Variants in CLASRP observed in about 807,000 individuals in gnomAD.
CLASRP encodes the protein CLK4-associating serine/arginine rich protein.
In CLASRP, 52 loss-of-function variants were observed where a neutral mutation model predicts 99.9. The observed-to-expected ratio is 0.52, with a 90% CI of 0.42 to 0.66. The LOEUF (loss-of-function observed/expected upper bound fraction) is 0.66, where lower values mean the gene tolerates loss of function less well. Among genes scored for constraint, CLASRP ranks in the 30% least tolerant of loss-of-function variants. The pLI is 0.00. For synonymous variants in CLASRP, 379 were observed against 373.0 expected, an observed-to-expected ratio of 1.02 and a Z score of -0.18; for missense variants, 848 against 999.2, an observed-to-expected ratio of 0.85 and a Z score of 2.04.
chr19:45,060,389 G>C lies in CLASRP; in HGVS notation c.711G>C (p.Arg237Ser), dbSNP rs1392970202. 6.2e-7 allele frequency: 1 copy of C among 1,613,880 alleles called. No homozygotes were observed. The highest frequency in any genetic ancestry group is 8.5e-7 in the Non-Finnish European group (1 of 1,179,924). ...TYGMADGDFV[R>S]MLRKDKEEAE... is the part of the protein sequence containing the mutation. The stretch of plus-strand genomic sequence containing the variant: ...CCCTAATTCTCACCCACCTCTATAG[G>C]ATGCTCCGGAAAGACAAGGAGGAGG... Residue 237 changes from arginine (R) to serine (S), a missense_variant and splice_region_variant, in exon 9 of 21, where the codon AGG (arginine) becomes AGC (serine). Transcript: ENST00000221455. The surrounding 1 kb of genome is among the most constrained non-coding windows in gnomAD (Gnocchi z 4.6).
At chr19:45,039,262 T>A (rs1319565028) in intron 1 of CLASRP, among the ~76,000 whole-genome samples, 154 bp downstream of exon 1, 2 of 151,300 alleles carry the variant, frequency 1.3e-5, no homozygotes, top group Non-Finnish European at 2.9e-5. Context: ...CTGACGGGCC[T>A]CAGGCCGAGC....
chr19:45,040,518 C>A, intron 2 of CLASRP: 2 of 465,940 alleles, frequency 4.3e-6, no homozygotes, highest in Non-Finnish European at 8.0e-6. Context: ...TTTGGTGTGG[C>A]CTCCCAGTGC....
At chr19:45,069,967 C>T (rs372859327) in intron 18 of CLASRP, 55 bp from the exon 19 acceptor site, 1 of 997,770 alleles carries the variant, frequency 1.0e-6, no homozygotes, top group African/African-American at 1.6e-5. Context: ...CCTGCCCTCC[C>T]TGAGTTCAGT....
At chr19:45,057,436 C>T (rs1178922725) in intron 6 of CLASRP, among the ~76,000 whole-genome samples, 3 of 152,232 alleles carry the variant, frequency 2.0e-5, no homozygotes, top group African/African-American at 4.8e-5. Context: ...GGGCTGTGCC[C>T]TTGTGGGACT....
intron 2 of CLASRP, among the ~76,000 whole-genome samples, chr19:45,041,350 C>T (rs568881271): frequency 1.3e-5 from 2 of 152,248 alleles, no homozygotes; most frequent in South Asian, 4.1e-4. Context: ...CTATCCCTGG[C>T]CTAAAAGACC....
At chr19:45,053,645 G>GT (rs1972068775) in intron 5 of CLASRP, among the ~76,000 whole-genome samples, 1 of 151,924 alleles carries the variant, frequency 6.6e-6, no homozygotes, top group Non-Finnish European at 1.5e-5. Flanking sequence ...CCCCCAGTTA[G>GT]TTTTTTGTAT....
rs767069629 is a variant in CLASRP, at chr19:45,052,779, C to T, written c.198-12C>T. 1.2e-6 allele frequency: 2 copies of T among 1,604,220 alleles called. No individual in the cohort carries two copies. Among genetic ancestry groups the T allele is most frequent in the Non-Finnish European group, 1.7e-6 (2 of 1,172,858 alleles). On this transcript the variant is annotated splice_polypyrimidine_tract_variant and intron_variant, in intron 3 of 20. Coordinates refer to ENST00000221455, the MANE Select transcript of CLASRP (RefSeq NM_007056.3). ...CTGAGGTTCTTGCTTTCTTGCTCCC[C>T]TCCCACTTCAGGATGCCCTGGCAGG...
At chr19:45,041,662 A>G (rs1373342660) in intron 2 of CLASRP, among the ~76,000 whole-genome samples, 1 of 152,180 alleles carries the variant, frequency 6.6e-6, no homozygotes, top group African/African-American at 2.4e-5. Context: ...TTTCTAAAGC[A>G]CAAAACTGAC....
At chr19:45,058,579 G>A (rs1972166111) in intron 7 of CLASRP, among the ~76,000 whole-genome samples, 1 of 151,946 alleles carries the variant, frequency 6.6e-6, no homozygotes, top group South Asian at 2.1e-4. Flanking sequence ...AGAGACGGGG[G>A]TTTCACCATA....
chr19:45,063,346 T>C (rs999834418), intron 11 of CLASRP, among the ~76,000 whole-genome samples: 13 of 151,322 alleles, frequency 8.6e-5, no homozygotes, highest in Non-Finnish European at 1.9e-4. Context: ...TGCACCACAC[T>C]CAGTGTTTTA....
At chr19:45,066,644 A>T (rs1031686005) in intron 13 of CLASRP, among the ~76,000 whole-genome samples, 2 of 150,642 alleles carry the variant, frequency 1.3e-5, no homozygotes, top group East Asian at 2.0e-4. Context: ...AAAAAAAAAA[A>T]AAAAGAGCCC....
chr19:45,065,450 A>G (rs539786444), intron 13 of CLASRP, among the ~76,000 whole-genome samples: 2 of 151,506 alleles, frequency 1.3e-5, no homozygotes, highest in East Asian at 3.9e-4. Flanking sequence ...AGTCCCAGCT[A>G]TGCAGGAGGC....
At chr19:45,057,085 C>T (rs892757799) in intron 6 of CLASRP, among the ~76,000 whole-genome samples, 6 of 152,194 alleles carry the variant, frequency 3.9e-5, no homozygotes, top group Admixed American at 1.3e-4. Flanking sequence ...AGCAGTCTCA[C>T]TTCTCTCTTC....
Position 45,067,980 on chromosome 19 carries a change from T to A in CLASRP, c.1668-35T>A. The A allele has an allele frequency of 1.3e-6, 2 of 1,537,376 alleles. No individual in the cohort carries two copies. The highest frequency in any genetic ancestry group is 1.8e-6 in the Non-Finnish European group (2 of 1,110,324). ...AGAGGTGGCAGCTGCCCTTTCCCCCTCCCAACCATGTCCTCTGGCCCTGCC... is the reference window on the plus strand; with the variant it reads ...AGAGGTGGCAGCTGCCCTTTCCCCCACCCAACCATGTCCTCTGGCCCTGCC... On this transcript the variant is annotated intron_variant, in intron 14 of 20. Coordinates refer to ENST00000221455, the MANE Select transcript of CLASRP (RefSeq NM_007056.3). This position sits in a 1 kb window ranked among gnomAD's most constrained non-coding sequence, Gnocchi z 4.9.
At chr19:45,061,345 C>G (rs997417969) in intron 10 of CLASRP, among the ~76,000 whole-genome samples, 2 of 152,222 alleles carry the variant, frequency 1.3e-5, no homozygotes, top group Admixed American at 1.3e-4. Flanking sequence ...TGCAGGAACG[C>G]CCAGGCTGGG....
At position 45,067,441 on chromosome 19, in the gene CLASRP, GTCGCAGCCTGAC is replaced by G; in HGVS notation, c.1523_1534del (p.Leu508_Ser511del). On this transcript the variant is annotated inframe_deletion, in exon 14 of 21. Coordinates refer to ENST00000221455, the MANE Select transcript of CLASRP (RefSeq NM_007056.3). The surrounding 1 kb of genome is among the most constrained non-coding windows in gnomAD (Gnocchi z 4.9). ...AGCTGGTCCCTCAGCCCGTCCCGCAGTCGCAGCCTGACTCGCAGCCGCAGCCATAGCCCCAGC... is the reference window on the plus strand; with the variant it reads ...AGCTGGTCCCTCAGCCCGTCCCGCAGTCGCAGCCGCAGCCATAGCCCCAGC... The G allele has an allele frequency of 6.5e-7, 1 of 1,540,974 alleles. No homozygotes were observed. The highest frequency in any genetic ancestry group is 8.7e-7 in the Non-Finnish European group (1 of 1,147,166).
At chr19:45,059,406 C>T (rs1480939256) in intron 8 of CLASRP, 42 bp downstream of exon 8, 1 of 1,477,456 alleles carries the variant, frequency 6.8e-7, no homozygotes, top group Admixed American at 2.0e-5. Context: ...TCTGTGGGCC[C>T]CACCCTGGCA....
chr19:45,053,077 A>C (rs1161119252), intron 4 of CLASRP, 21 bp from the exon 5 acceptor site: 2 of 1,613,352 alleles, frequency 1.2e-6, no homozygotes, highest in East Asian at 4.5e-5. Context: ...TCTGATTTCA[A>C]GGTCTCGCCC....
chr19:45,068,311 T>TCCCCCCCCCCCCCC (rs1310198710), intron 15 of CLASRP, 109 bp from the exon 16 acceptor site: 11 of 544,612 alleles, frequency 2.0e-5, no homozygotes, highest in Admixed American at 2.9e-5. Flanking sequence ...CACGTCGTTC[T>TCCCCCCCCCCCCCC]CCCCCCCCCA....
Sources: allele counts gnomAD v4.1 joint callset (sites outside exome capture counted in the v4.1 genomes callset), GRCh38; gene constraint gnomAD v4.1.1; non-coding constraint Gnocchi (gnomAD v3.1); transcripts MANE v1.5; gene names NCBI Gene and HGNC (gene_info 2026-07-23, HGNC 2026-07-21).